Variants in C3orf52 observed in about 807,000 individuals in gnomAD.
C3orf52 encodes the protein TPA-induced transmembrane protein.
Under a neutral mutation model 24.8 loss-of-function variants are expected in C3orf52, and 22 were observed. The ratio of observed to expected loss-of-function variants is 0.89; its 90% CI spans 0.63 to 1.27. The LOEUF (loss-of-function observed/expected upper bound fraction) is 1.27, where lower values mean the gene tolerates loss of function less well. Among genes scored for constraint, C3orf52 ranks in the 50% most tolerant of loss-of-function variants. The pLI, the probability that C3orf52 is intolerant of heterozygous loss-of-function variation, is 0.00. For synonymous variants in C3orf52, 93 were observed against 100.2 expected (o/e 0.93, Z 0.43); for missense variants, 265 against 260.7 (o/e 1.02, Z -0.11).
At chr3:112,125,742 C>T (rs1232755791) in intron 4 of C3orf52, among the ~76,000 whole-genome samples, 2 of 152,212 alleles carry the variant, frequency 1.3e-5, no homozygotes, top group Admixed American at 6.5e-5. Context: ...CTCTAGGTGA[C>T]GGGATGGTGG....
At chr3:112,127,759 T>C (rs1472065323) in intron 4 of C3orf52, among the ~76,000 whole-genome samples, 5 of 152,224 alleles carry the variant, frequency 3.3e-5, no homozygotes, top group Non-Finnish European at 2.9e-5. Context: ...AAAAAACGTA[T>C]GTTTTCTACG....
Position 112,127,366 on chromosome 3 carries a change from A to C in C3orf52, c.*47-867A>C, listed in dbSNP as rs565111422. 9.9e-5 allele frequency among the ~76,000 whole-genome samples: 15 copies of C among 152,282 alleles called. 1 individual carries two copies. In the South Asian group the frequency reaches 3.1e-3, roughly 32 times the overall value. On this transcript the variant is annotated intron_variant, in intron 4 of 4. Transcript: ENST00000480282. ...GTATCAATTTCTTTTCTATCATGTG[A>C]GTGAAGGAGCCAGGATTATTTTCAA...
chr3:112,105,946 A>G (rs941404570), intron 3 of C3orf52, among the ~76,000 whole-genome samples: 4 of 152,158 alleles, frequency 2.6e-5, no homozygotes, highest in Non-Finnish European at 5.9e-5. Flanking sequence ...GTCATTTGCT[A>G]GAATGGCTCA....
At chr3:112,096,801 T>C (rs542058590) in intron 2 of C3orf52, among the ~76,000 whole-genome samples, 50 of 152,354 alleles carry the variant, frequency 3.3e-4, no homozygotes, top group Non-Finnish European at 3.4e-4. Context: ...GGTTTTATTA[T>C]TGCTGCTCAT....
Position 112,117,858 on chromosome 3 carries a change from G to A in C3orf52, c.*1212G>A, listed in dbSNP as rs1055384462. On this transcript the variant is annotated 3_prime_UTR_variant, in exon 6 of 6. Coordinates refer to ENST00000264848, the MANE Select transcript of C3orf52 (RefSeq NM_024616.3). ...TTTGTGCTGTATTGTGAGAGATCTC[G>A]CCTCTCAGTTAAATGAGCCCTGGGT... 6.6e-6 allele frequency: 1 copy of A among 152,146 alleles called. No individual in the cohort carries two copies. Among genetic ancestry groups the A allele is most frequent in the African/African-American group, 2.4e-5 (1 of 41,424 alleles). The allele number at this position is 152,146 out of a possible 1,614,324, so 9.4% of individuals were successfully genotyped here.
chr3:112,103,001 G>C (rs773164886), intron 3 of C3orf52, 36 bp downstream of exon 3: 1 of 1,600,238 alleles, frequency 6.2e-7, no homozygotes, highest in Non-Finnish European at 8.5e-7. Flanking sequence ...AGGAGTTCTT[G>C]ACATTAGAAT....
chr3:112,110,350 T>TA (rs1219145331), intron 4 of C3orf52, among the ~76,000 whole-genome samples: 3 of 151,292 alleles, frequency 2.0e-5, no homozygotes, highest in African/African-American at 7.3e-5. Context: ...TAAATAAAAA[T>TA]AAAAAAAAGA....
intron 2 of C3orf52, among the ~76,000 whole-genome samples, chr3:112,101,745 C>A (rs2073973524): frequency 6.6e-6 from 1 of 152,194 alleles, no homozygotes; most frequent in South Asian, 2.1e-4. Flanking sequence ...ATCTCAAACA[C>A]TGAATTTATT....
rs756207322 is a variant in C3orf52, at chr3:112,113,008, C to T, written c.512C>T (p.Pro171Leu). 2.5e-6 allele frequency: 4 copies of T among 1,608,582 alleles called. No homozygotes were observed. The highest frequency in any genetic ancestry group is 1.3e-5 in the African/African-American group (1 of 74,882). ...ACGTATGACCTGCAATTTGGGGTTCCATCAGATGATGAAAATTTTATGAAG... is the reference window on the plus strand; with the variant it reads ...ACGTATGACCTGCAATTTGGGGTTCTATCAGATGATGAAAATTTTATGAAG... ...TVTYDLQFGV[P>L]SDDENFMKYM... The change falls in exon 5 of 6, where the codon CCA (proline) becomes CTA (leucine). Residue 171 changes from proline (P) to leucine (L), a missense_variant. Pro to Leu is a moderately conservative substitution (Grantham distance 98, BLOSUM62 -3). Transcript: ENST00000264848.
intron 4 of C3orf52, chr3:112,112,226 A>T (rs2074090011): frequency 6.6e-6 from 1 of 152,370 alleles, no homozygotes; most frequent in Admixed American, 6.5e-5. Context: ...AATGGAGGGT[A>T]GCCCTTGATT....
At chr3:112,099,231 G>A (rs186866) in intron 2 of C3orf52, among the ~76,000 whole-genome samples, 14,344 of 152,022 alleles carry the variant, frequency 0.094, 1,256 homozygotes, top group African/African-American at 0.23. Flanking sequence ...TTCATAAATT[G>A]CCCAGTCTCA....
intron 1 of C3orf52, among the ~76,000 whole-genome samples, chr3:112,088,168 G>C (rs982260435): frequency 3.9e-5 from 6 of 152,214 alleles, no homozygotes; most frequent in Non-Finnish European, 2.9e-5. Context: ...TCAGTAACAG[G>C]ATGGAGTGAA....
rs560731310 is a variant in C3orf52, at chr3:112,126,188, G to A, written c.*47-2045G>A. Among the ~76,000 whole-genome samples the A allele has an allele frequency of 1.2e-4, 19 of 152,250 alleles. No homozygotes were observed. The Middle Eastern group carries it at 0.014, about 109-fold the overall frequency. On this transcript the variant is annotated intron_variant, in intron 4 of 4. Coordinates refer to the C3orf52 transcript ENST00000480282. Reference sequence around the variant, plus strand: ...GAAATTGAGGTTCCCTGGGACCCACGACTCCTGGAGTGAAGTGGCTAGGGT... The same window carrying A: ...GAAATTGAGGTTCCCTGGGACCCACAACTCCTGGAGTGAAGTGGCTAGGGT...
downstream of C3orf52, chr3:112,135,450 GA>G (rs2074541632): frequency 6.6e-6 from 1 of 152,562 alleles, no homozygotes; most frequent in Non-Finnish European, 1.5e-5. Context: ...CAATTTCAGA[GA>G]AACTAGGGTA....
chr3:112,131,094 T>C (rs2074440526), downstream of C3orf52: 1 of 154,076 alleles, frequency 6.5e-6, no homozygotes, highest in African/African-American at 2.4e-5. Context: ...ACTTAAACAC[T>C]ACTTACTATA....
Position 112,123,747 on chromosome 3 carries a change from T to C in C3orf52, c.*46+4185T>C. ...ATTGATGAGGGTATAGCACAGCTCC[T>C]CTGAGTAGGTCTGGTCAACATTGTC... On this transcript the variant is annotated intron_variant, in intron 4 of 4. Transcript: ENST00000480282. 1 of 1,613,416 alleles carries C rather than the reference T, an allele frequency of 6.2e-7. No individual in the cohort carries two copies. Among genetic ancestry groups the C allele is most frequent in the East Asian group, 2.2e-5 (1 of 44,872 alleles).
intron 5 of C3orf52, among the ~76,000 whole-genome samples, chr3:112,115,495 T>G (rs1251354306): frequency 6.6e-6 from 1 of 152,208 alleles, no homozygotes; most frequent in African/African-American, 2.4e-5. Flanking sequence ...ATGGTAATGT[T>G]CTTAGTCTTC....
chr3:112,122,390 G>A (rs2074217152), downstream of C3orf52: 1 of 152,106 alleles, frequency 6.6e-6, no homozygotes, highest in Non-Finnish European at 1.5e-5. Context: ...ACAGGGAGTG[G>A]GCTAGATTTG....
At chr3:112,116,548 T>C in intron 5 of C3orf52, 94 bp from the exon 6 acceptor site, 1 of 1,201,394 alleles carries the variant, frequency 8.3e-7, no homozygotes, top group Non-Finnish European at 1.1e-6. Context: ...TCTAAGATTT[T>C]ACACTAAAAT....
Sources: allele counts gnomAD v4.1 joint callset (sites outside exome capture counted in the v4.1 genomes callset), GRCh38; gene constraint gnomAD v4.1.1; transcripts MANE v1.5; gene names NCBI Gene and HGNC (gene_info 2026-07-23, HGNC 2026-07-21).